Variants in CDH23 observed in about 807,000 individuals in gnomAD.
CDH23 encodes the protein cadherin related 23.
A neutral mutation model predicts 317.1 loss-of-function variants in CDH23; 189 were observed. The observed-to-expected ratio is 0.60, with a 90% confidence interval of 0.53 to 0.67. The LOEUF is 0.67. Among genes scored for constraint, CDH23 ranks in the 30% least tolerant of loss-of-function variants. The pLI is 0.00. For missense variants in CDH23, 4,401 were observed against 4,592.4 expected (o/e 0.96, Z 1.20); for synonymous variants, 1,839 against 1,876.8 (o/e 0.98, Z 0.52).
chr10:71,802,966 C>G lies in CDH23; in HGVS notation c.7551C>G (p.Ser2517Arg). 1 of 1,613,994 alleles carries G rather than the reference C, an allele frequency of 6.2e-7. No individual in the cohort carries two copies. The highest frequency in any genetic ancestry group is 8.5e-7 in the Non-Finnish European group (1 of 1,179,896). The part of the protein sequence containing the change: ...PQFSKPQFST[S>R]VYENEPAGTS... Reference sequence around the variant, plus strand: ...TCTCCAAGCCCCAGTTCAGCACAAGCGTGTATGAGAATGAGCCGGCGGGCA... The same window carrying G: ...TCTCCAAGCCCCAGTTCAGCACAAGGGTGTATGAGAATGAGCCGGCGGGCA... Residue 2517 changes from serine (S) to arginine (R), a missense_variant, in exon 54 of 70, where the codon AGC (serine) becomes AGG (arginine). Ser to Arg is a moderately radical substitution (Grantham distance 110). Around this residue, in one of 3 missense-constraint regions of CDH23, gnomAD observed 189 missense variants for 250.9 expected, o/e 0.75. Transcript: ENST00000224721.
At chr10:71,449,908 C>T (rs1255190173) in intron 3 of CDH23, among the ~76,000 whole-genome samples, 1 of 152,236 alleles carries the variant, frequency 6.6e-6, no homozygotes, top group Non-Finnish European at 1.5e-5. Flanking sequence ...GGCTCCAGTT[C>T]CCTCTGTGTA....
intron 1 of CDH23, among the ~76,000 whole-genome samples, chr10:71,424,141 C>T (rs150886428): frequency 3.0e-4 from 45 of 152,334 alleles, no homozygotes; most frequent in African/African-American, 4.8e-4. Flanking sequence ...TATCCCGCCA[C>T]GTAGGTGCTG....
At chr10:71,811,647 C>T (rs1292188713) in intron 64 of CDH23, 57 bp downstream of exon 64, 29 of 1,613,654 alleles carry the variant, frequency 1.8e-5, no homozygotes, top group Non-Finnish European at 2.3e-5. Context: ...CGGATGGCCA[C>T]GAGGCAGGCA....
At chr10:71,808,046 C>T in intron 60 of CDH23, 39 bp downstream of exon 60, 1 of 1,558,112 alleles carries the variant, frequency 6.4e-7, no homozygotes, top group Non-Finnish European at 8.7e-7. Context: ...CTAGCCATGA[C>T]CTCTCAGTCA....
intron 1 of CDH23, among the ~76,000 whole-genome samples, chr10:71,408,055 A>G (rs150133916): frequency 6.6e-6 from 1 of 152,320 alleles, no homozygotes; most frequent in Admixed American, 6.5e-5. Context: ...AATGACTTGA[A>G]TTATGTGGGA....
chr10:71,632,331 G>C (rs1471585052), intron 11 of CDH23, among the ~76,000 whole-genome samples: 1 of 152,168 alleles, frequency 6.6e-6, no homozygotes, highest in East Asian at 1.9e-4. Flanking sequence ...CAGTTAGAGG[G>C]CCTTGAACAC....
At chr10:71,585,467 A>G (rs1474298427) in intron 9 of CDH23, among the ~76,000 whole-genome samples, 2 of 152,214 alleles carry the variant, frequency 1.3e-5, no homozygotes, top group Admixed American at 6.5e-5. Flanking sequence ...TCAAGCTGGA[A>G]CAAACCTGCT....
chr10:71,589,577 G>C (rs890152028), intron 9 of CDH23, among the ~76,000 whole-genome samples: 8 of 152,214 alleles, frequency 5.3e-5, no homozygotes, highest in African/African-American at 1.9e-4. Flanking sequence ...TTCATCATGG[G>C]TGCCTGAAGC....
rs558623686 is a variant in CDH23 at position 71,704,768 on chromosome 10, G to T, written c.2734-143G>T. On this transcript the variant is annotated intron_variant, in intron 24 of 69. Transcript: ENST00000224721. ...CTGGGAGGGTGCCCTGGGGACAGTG[G>T]CCTGGCCTAAGGCTTGGAGGGGAGC... 740 of 690,970 alleles carry T rather than the reference G, an allele frequency of 1.1e-3. 4 individuals carry two copies. Among genetic ancestry groups the T allele is most frequent in the Middle Eastern group, 5.4e-3 (14 of 2,590 alleles). The allele number at this position is 690,970 out of a possible 1,614,324, so 42.8% of individuals were successfully genotyped here.
chr10:71,812,628 G>A lies in CDH23; in HGVS notation c.9510+19G>A, dbSNP rs1841979083. ...CACCCATGTGAGCCAGAGGCGGTCA[G>A]GCATCACAAGGGGCAGGGGTGGAGG... On this transcript the variant is annotated intron_variant, in intron 67 of 69. Transcript: ENST00000224721. The A allele has an allele frequency of 6.2e-7, 1 of 1,602,180 alleles. No individual in the cohort carries two copies. Among genetic ancestry groups the A allele is most frequent in the Non-Finnish European group, 8.5e-7 (1 of 1,179,358 alleles).
At chr10:71,811,191 TG>T in intron 62 of CDH23, 123 bp from the exon 63 acceptor site, 1 of 1,397,976 alleles carries the variant, frequency 7.2e-7, no homozygotes, top group South Asian at 1.2e-5. Flanking sequence ...TCCCAGCCGG[TG>T]GACCTCAATC....
chr10:71,615,525 C>T lies in CDH23; in HGVS notation c.854C>T (p.Ala285Val), dbSNP rs769416416. 1.2e-6 allele frequency: 2 copies of T among 1,612,898 alleles called. No homozygotes were observed. The highest frequency in any genetic ancestry group is 1.7e-6 in the Non-Finnish European group (2 of 1,179,434). ...GCAGGGAATACCAACAGCATCTTTG[C>T]CCTGGACTACATCAGCGGAGTGCTG... Reference protein sequence around the residue: ...IVSGNTNSIFALDYISGVLTL... With the variant: ...IVSGNTNSIFVLDYISGVLTL... Residue 285 changes from alanine (A) to valine (V), a missense_variant, in exon 10 of 70, where the codon GCC becomes GTC. By Grantham distance (64) the Ala-to-Val change is moderately conservative. This residue lies in a region of CDH23 where 3,068 missense variants were observed against 3,203.3 expected (regional missense o/e 0.96). Coordinates refer to ENST00000224721, the MANE Select transcript of CDH23 (RefSeq NM_022124.6).
rs998822008 is a variant in CDH23 at position 71,409,045 on chromosome 10, G to A, written c.-6+11727G>A. Among the ~76,000 whole-genome samples, 10 of 152,322 alleles carry A rather than the reference G, an allele frequency of 6.6e-5. No individual in the cohort carries two copies. The South Asian group carries it at 1.7e-3, about 25-fold the overall frequency. On this transcript the variant is annotated intron_variant, in intron 1 of 69. Coordinates refer to ENST00000224721, the MANE Select transcript of CDH23 (RefSeq NM_022124.6). ...CTTGGCCTGATCACAAGGTTTGTTT[G>A]CTGAACTGGATATCAGGCCTGCCCC... is the stretch of plus-strand genomic sequence containing the variant.
intron 27 of CDH23, among the ~76,000 whole-genome samples, chr10:71,711,397 G>A (rs950184844): frequency 3.3e-5 from 5 of 152,162 alleles, no homozygotes; most frequent in African/African-American, 7.2e-5. Context: ...GAAGGATGGC[G>A]TCACCCTAGG....
intron 6 of CDH23, among the ~76,000 whole-genome samples, chr10:71,559,882 G>T (rs1260832030): frequency 6.6e-6 from 1 of 152,256 alleles, no homozygotes; most frequent in South Asian, 2.1e-4. Flanking sequence ...AGATGCCGGA[G>T]TATGGGTACA....
chr10:71,621,902 A>G (rs1456067499), intron 11 of CDH23, among the ~76,000 whole-genome samples: 1 of 152,158 alleles, frequency 6.6e-6, no homozygotes, highest in Non-Finnish European at 1.5e-5. Context: ...TTGCCTGGCT[A>G]TAGAAAACCC....
intron 1 of CDH23, among the ~76,000 whole-genome samples, chr10:71,432,730 C>G (rs975228409): frequency 6.6e-6 from 1 of 152,162 alleles, no homozygotes; most frequent in Non-Finnish European, 1.5e-5. Flanking sequence ...GTGATGGGAG[C>G]AATCCGACCT....
intron 9 of CDH23, among the ~76,000 whole-genome samples, chr10:71,596,965 T>C (rs779338955): frequency 6.6e-6 from 1 of 152,140 alleles, no homozygotes; most frequent in African/African-American, 2.4e-5. Context: ...TGAGGTCAGG[T>C]CTTTGTTTGA....
At chr10:71,424,070 G>A (rs919256818) in intron 1 of CDH23, among the ~76,000 whole-genome samples, 1 of 152,276 alleles carries the variant, frequency 6.6e-6, no homozygotes, top group Non-Finnish European at 1.5e-5. Flanking sequence ...GACTGGACAC[G>A]CATCGCGTGC....
Sources: allele counts gnomAD v4.1 joint callset (sites outside exome capture counted in the v4.1 genomes callset), GRCh38; gene constraint gnomAD v4.1.1; regional missense constraint gnomAD v4.1.1; transcripts MANE v1.5; gene names NCBI Gene and HGNC (gene_info 2026-07-23, HGNC 2026-07-21).